DDX10: variants seen among roughly 807,000 people sequenced by gnomAD.
DDX10 encodes probable ATP-dependent RNA helicase DDX10.
Under a neutral mutation model 104.3 loss-of-function variants are expected in DDX10, and 74 were observed. That is an observed-to-expected ratio of 0.71 (90% CI 0.59 to 0.86). DDX10 has a LOEUF of 0.86. DDX10 is among the 40% of genes least tolerant of loss of function. DDX10 has a pLI of 0.00. For missense variants in DDX10, 952 were observed against 1,040.0 expected, an observed-to-expected ratio of 0.92 and a Z score of 1.16; for synonymous variants, 351 against 353.4, an observed-to-expected ratio of 0.99 and a Z score of 0.08.
chr11:108,787,852 C>T (rs757667801), intron 13 of DDX10, among the ~76,000 whole-genome samples: 19 of 152,136 alleles, frequency 1.2e-4, no homozygotes, highest in Middle Eastern at 3.2e-3. Flanking sequence ...ATTGCTTGAA[C>T]CTGGGAGGTG....
rs527599604 is a variant in DDX10, at chr11:108,894,307, G to A, written c.2305-23566G>A. On this transcript the variant is annotated intron_variant, in intron 16 of 17. Transcript: ENST00000322536. ...GCATTCTCATTGTCTTTAAGGTGAA[G>A]GTGGTAAAGATGTAGGAAATTGATA... is the stretch of plus-strand genomic sequence containing the variant. 1.1e-4 allele frequency among the ~76,000 whole-genome samples: 17 copies of A among 152,144 alleles called. No individual in the cohort carries two copies. In the South Asian group the frequency reaches 3.3e-3, roughly 30 times the overall value.
At position 108,665,332 on chromosome 11, in the gene DDX10, A is replaced by G. The variant is rs760840966; in HGVS notation, c.179A>G (p.Tyr60Cys). The G allele has an allele frequency of 1.3e-6, 2 of 1,581,612 alleles. No individual in the cohort carries two copies. Among genetic ancestry groups the G allele is most frequent in the Non-Finnish European group, 1.7e-6 (2 of 1,165,028 alleles). ...AGTATCAGCCGCCTCATGCAGAACT[A>G]TGAAAAGGTGAGGCCGGCGCTGGGG... ...RESISRLMQN[Y>C]EKINVNEITR... is the part of the protein sequence containing the mutation. Residue 60 changes from tyrosine to cysteine, a missense_variant, in exon 1 of 18, where the codon TAT becomes TGT. By Grantham distance (194) the Tyr-to-Cys change is radical. Transcript: ENST00000322536.
intron 16 of DDX10, among the ~76,000 whole-genome samples, chr11:108,896,010 C>T (rs1026918621): frequency 6.6e-6 from 1 of 152,078 alleles, no homozygotes; most frequent in African/African-American, 2.4e-5. Flanking sequence ...TGTTTGTATA[C>T]ATCGTGCCAC....
chr11:108,707,653 G>A (rs2094278001), intron 10 of DDX10, among the ~76,000 whole-genome samples: 1 of 152,126 alleles, frequency 6.6e-6, no homozygotes, highest in African/African-American at 2.4e-5. Flanking sequence ...TGAATTCTGA[G>A]GGGTCAGGGA....
At chr11:108,879,603 T>A (rs528187851) in intron 16 of DDX10, among the ~76,000 whole-genome samples, 11 of 152,318 alleles carry the variant, frequency 7.2e-5, no homozygotes, top group African/African-American at 1.7e-4. Context: ...AGAGGCAATG[T>A]TGAAGGCCCC....
chr11:108,923,633 T>A (rs866911358), intron 17 of DDX10, among the ~76,000 whole-genome samples: 15 of 152,206 alleles, frequency 9.9e-5, no homozygotes, highest in African/African-American at 2.9e-4. Context: ...CACAAAGCTT[T>A]TTGTTCCATG....
intron 13 of DDX10, among the ~76,000 whole-genome samples, chr11:108,770,429 T>C (rs2094361514): frequency 6.6e-6 from 1 of 152,066 alleles, no homozygotes; most frequent in South Asian, 2.1e-4. Flanking sequence ...TGCTATCAAA[T>C]AGTAGGTCTT....
intron 13 of DDX10, among the ~76,000 whole-genome samples, chr11:108,815,210 C>G (rs1862239038): frequency 6.6e-6 from 1 of 152,070 alleles, no homozygotes; most frequent in African/African-American, 2.4e-5. Context: ...TCTTTTTTCC[C>G]TATGTACACA....
intron 13 of DDX10, among the ~76,000 whole-genome samples, chr11:108,749,621 T>C (rs555755634): frequency 6.6e-6 from 1 of 152,194 alleles, no homozygotes; most frequent in Non-Finnish European, 1.5e-5. Context: ...ATATAGCATC[T>C]GTAAGACAGA....
intron 13 of DDX10, among the ~76,000 whole-genome samples, chr11:108,752,485 T>C (rs1056762856): frequency 1.3e-5 from 2 of 152,098 alleles, no homozygotes; most frequent in Non-Finnish European, 2.9e-5. Flanking sequence ...AGCAAGAACA[T>C]GCAATAGTAT....
At chr11:108,918,625 C>T (rs1863784213) in intron 17 of DDX10, 1 of 152,008 alleles carries the variant, frequency 6.6e-6, no homozygotes, top group African/African-American at 2.4e-5. Context: ...CCCAAATCTA[C>T]AAAAACAAAT....
At chr11:108,713,865 G>A (rs1471790492) in intron 10 of DDX10, among the ~76,000 whole-genome samples, 1 of 152,150 alleles carries the variant, frequency 6.6e-6, no homozygotes, top group Non-Finnish European at 1.5e-5. Context: ...GTCTTTTTGT[G>A]AGCCTATGCC....
chr11:108,802,092 A>G (rs2134558758), intron 13 of DDX10, among the ~76,000 whole-genome samples: 1 of 151,788 alleles, frequency 6.6e-6, no homozygotes. Context: ...TTGTCCAGAA[A>G]ACTCAGGAGT....
chr11:108,851,762 GCTTT>G lies in DDX10; in HGVS notation c.2248-388_2248-385del, dbSNP rs1862796091. Among the ~76,000 whole-genome samples, 4 of 151,564 alleles carry G rather than the reference GCTTT, an allele frequency of 2.6e-5. 1 individual carries two copies. The South Asian group carries it at 8.3e-4, about 31-fold the overall frequency. On this transcript the variant is annotated intron_variant, in intron 15 of 17. Coordinates refer to ENST00000322536, the MANE Select transcript of DDX10 (RefSeq NM_004398.4). ...CTCTTTGATAATAAGCAAGCCAAAA[GCTTT>G]CTGAGTTTTTCTTTTTTCTCCTTTC...
intron 17 of DDX10, among the ~76,000 whole-genome samples, chr11:108,928,125 C>T (rs893393305): frequency 6.6e-6 from 1 of 152,068 alleles, no homozygotes; most frequent in Non-Finnish European, 1.5e-5. Flanking sequence ...GATTACCTTC[C>T]TCTTCTGTGA....
chr11:108,675,538 C>A, intron 2 of DDX10, 58 bp from the exon 3 acceptor site: 1 of 1,578,772 alleles, frequency 6.3e-7, no homozygotes, highest in East Asian at 2.2e-5. Flanking sequence ...CTCACTTAGC[C>A]TATAATACCA....
At chr11:108,811,596 C>CT (rs1207628454) in intron 13 of DDX10, among the ~76,000 whole-genome samples, 1 of 152,046 alleles carries the variant, frequency 6.6e-6, no homozygotes, top group African/African-American at 2.4e-5. Flanking sequence ...TGTATAATAT[C>CT]TTTTTTTCAA....
intron 13 of DDX10, among the ~76,000 whole-genome samples, chr11:108,803,883 T>C (rs932807483): frequency 3.3e-5 from 5 of 152,184 alleles, no homozygotes; most frequent in African/African-American, 7.2e-5. Flanking sequence ...CTGTTTTCTT[T>C]TTGCTATCCT....
Position 108,837,607 on chromosome 11 carries a change from C to CTTTTTTTTTTTTTTTTTT in DDX10, c.1966-821_1966-804dup, listed in dbSNP as rs142381520. Among the ~76,000 whole-genome samples the CTTTTTTTTTTTTTTTTTT allele has an allele frequency of 4.9e-4, 17 of 34,748 alleles. 7 individuals are homozygous for CTTTTTTTTTTTTTTTTTT. The highest frequency in any genetic ancestry group is 2.3e-3 in the East Asian group (2 of 884). The allele number at this position is 34,748 out of a possible 152,430, so 22.8% of individuals were successfully genotyped here. A position where few individuals can be genotyped will look rare whatever the true frequency, so the allele number is the denominator to read the frequency against. On this transcript the variant is annotated intron_variant, in intron 13 of 17. Coordinates refer to ENST00000322536, the MANE Select transcript of DDX10 (RefSeq NM_004398.4). ...TTCTGCATCTCACCTTTGGATACAG[C>CTTTTTTTTTTTTTTTTTT]TTTTTTTTTTTTTTTTTTTTTTTTT... is the stretch of plus-strand genomic sequence containing the variant.
Sources: gnomAD v4.1 joint callset for allele counts (sites outside exome capture counted in the v4.1 genomes callset) on GRCh38, gnomAD v4.1.1 for gene constraint, MANE v1.5 for transcripts, NCBI Gene and HGNC (gene_info 2026-07-23, HGNC 2026-07-21) for gene names.